SLC38A12: variants seen among roughly 807,000 people sequenced by gnomAD.
SLC38A12 encodes the protein putative sodium-coupled neutral amino acid transporter 12.
chr17:74,810,110 C>T, the SLC38A12 span, among the ~76,000 whole-genome samples: 8 of 152,214 alleles, frequency 5.3e-5, no homozygotes, highest in Non-Finnish European at 8.8e-5. Flanking sequence ...AGTGTCCTCC[C>T]GTCTTTGAGA....
the SLC38A12 span, among the ~76,000 whole-genome samples, chr17:74,790,032 C>T: frequency 6.6e-6 from 1 of 151,238 alleles, no homozygotes; most frequent in African/African-American, 2.4e-5. Flanking sequence ...CGGCTCACTG[C>T]AGCCTCGATC....
the SLC38A12 span, among the ~76,000 whole-genome samples, chr17:74,786,982 C>G: frequency 6.6e-6 from 1 of 152,152 alleles, no homozygotes; most frequent in Non-Finnish European, 1.5e-5. Flanking sequence ...TGAACGTGAT[C>G]GATGAGTTGG....
chr17:74,800,316 C>G, the SLC38A12 span, among the ~76,000 whole-genome samples: 1 of 152,224 alleles, frequency 6.6e-6, no homozygotes, highest in Admixed American at 6.5e-5. Context: ...CACGTCTGCC[C>G]ATCATTGTCA....
At chr17:74,811,978 C>T in the SLC38A12 span, among the ~76,000 whole-genome samples, 1 of 151,302 alleles carries the variant, frequency 6.6e-6, no homozygotes, top group African/African-American at 2.4e-5. Flanking sequence ...CCTAGGAGTT[C>T]GGGGCTGCAG....
the SLC38A12 span, among the ~76,000 whole-genome samples, chr17:74,784,983 G>C: frequency 6.6e-6 from 1 of 152,144 alleles, no homozygotes; most frequent in Admixed American, 6.5e-5. Flanking sequence ...CCTGAAGTTG[G>C]TATGGGGAGA....
chr17:74,790,961 C>T, the SLC38A12 span: 369 of 1,613,968 alleles, frequency 2.3e-4, no homozygotes, highest in Non-Finnish European at 3.0e-4. Flanking sequence ...TGCAGAGAGA[C>T]GTGGATCTCC....
At chr17:74,824,016 G>C in the SLC38A12 span, among the ~76,000 whole-genome samples, 7 of 152,240 alleles carry the variant, frequency 4.6e-5, no homozygotes, top group African/African-American at 1.7e-4. Context: ...TTGGTCAGCT[G>C]CCACATCCCA....
At chr17:74,808,581 G>A in the SLC38A12 span, among the ~76,000 whole-genome samples, 1 of 152,308 alleles carries the variant, frequency 6.6e-6, no homozygotes, top group African/African-American at 2.4e-5. Flanking sequence ...TCTCTGGAAT[G>A]ACAGACATCA....
chr17:74,836,814 C>A, the SLC38A12 span: 1 of 1,433,484 alleles, frequency 7.0e-7, no homozygotes, highest in Non-Finnish European at 9.1e-7. The surrounding 1 kb of genome is among the most constrained non-coding windows in gnomAD (Gnocchi z 4.2). Context: ...CTAGGGGAAA[C>A]CCCCTGTCCA....
At chr17:74,836,256 C>T in the SLC38A12 span, 13 of 1,611,500 alleles carry the variant, frequency 8.1e-6, no homozygotes, top group Admixed American at 1.0e-4. The surrounding 1 kb of genome is among the most constrained non-coding windows in gnomAD (Gnocchi z 4.2). Context: ...GGCCGCTGTG[C>T]GCTTTTTCCT....
At chr17:74,798,944 T>C in the SLC38A12 span, among the ~76,000 whole-genome samples, 3 of 152,234 alleles carry the variant, frequency 2.0e-5, no homozygotes, top group Non-Finnish European at 4.4e-5. Context: ...CAGGGACCCC[T>C]GGTGAGGTGA....
chr17:74,813,212 G>C, the SLC38A12 span, among the ~76,000 whole-genome samples: 70 of 152,324 alleles, frequency 4.6e-4, no homozygotes, highest in African/African-American at 1.6e-3. Flanking sequence ...TTGGCCACTG[G>C]CATTTGTCTC....
At chr17:74,803,968 A>G in the SLC38A12 span, among the ~76,000 whole-genome samples, 11 of 152,344 alleles carry the variant, frequency 7.2e-5, no homozygotes, top group South Asian at 1.9e-3. Flanking sequence ...TGTGGAATCT[A>G]GCAACCTCCC....
the SLC38A12 span, chr17:74,836,729 C>G: frequency 7.2e-6 from 11 of 1,537,104 alleles, no homozygotes; most frequent in Non-Finnish European, 9.6e-6. The surrounding 1 kb of genome is among the most constrained non-coding windows in gnomAD (Gnocchi z 4.2). Flanking sequence ...CATAGGGGCC[C>G]CAGCCCCACC....
chr17:74,794,680 TCTCTC>T, the SLC38A12 span, among the ~76,000 whole-genome samples: 2 of 152,022 alleles, frequency 1.3e-5, no homozygotes, highest in African/African-American at 4.8e-5. Context: ...ACTCGGGACA[TCTCTC>T]CTCCCTCCTC....
At chr17:74,794,307 T>C in the SLC38A12 span, among the ~76,000 whole-genome samples, 1 of 152,218 alleles carries the variant, frequency 6.6e-6, no homozygotes, top group Non-Finnish European at 1.5e-5. Context: ...AGCCTCCTGC[T>C]GGAGTGAGAG....
the SLC38A12 span, among the ~76,000 whole-genome samples, chr17:74,828,905 G>A: frequency 2.0e-5 from 3 of 151,964 alleles, no homozygotes; most frequent in Admixed American, 6.6e-5. Context: ...TCCCAGGTAC[G>A]CACACATCCA....
chr17:74,806,447 T>C, the SLC38A12 span, among the ~76,000 whole-genome samples: 2 of 152,288 alleles, frequency 1.3e-5, no homozygotes, highest in African/African-American at 4.8e-5. Context: ...AAAGAGCTGT[T>C]TTTGTAGAGA....
the SLC38A12 span, chr17:74,777,195 A>G: frequency 2.2e-6 from 2 of 929,568 alleles, no homozygotes; most frequent in East Asian, 2.5e-5. Flanking sequence ...TGGCAGGGGA[A>G]GTCTGCAAGC....
Sources: gnomAD v4.1 joint callset for allele counts (sites outside exome capture counted in the v4.1 genomes callset) on GRCh38, gnomAD v4.1.1 for gene constraint, Gnocchi (gnomAD v3.1) non-coding constraint, MANE v1.5 for transcripts, NCBI Gene and HGNC (gene_info 2026-07-23, HGNC 2026-07-21) for gene names.